MEF2C: variants seen among roughly 807,000 people sequenced by gnomAD.
MEF2C encodes the protein myocyte enhancer factor 2C, also known as myocyte-specific enhancer factor 2C.
A neutral mutation model predicts 50.5 loss-of-function variants in MEF2C; 6 were observed. The ratio of observed to expected loss-of-function variants is 0.12; its 90% CI spans 0.07 to 0.23. The LOEUF is 0.23. Ranked by LOEUF, MEF2C falls within the 10% of genes least tolerant of loss-of-function variation. The pLI is 1.00. For synonymous variants in MEF2C, 183 were observed against 228.0 expected, an observed-to-expected ratio of 0.80 and a Z score of 1.78; for missense variants, 276 against 605.0, an observed-to-expected ratio of 0.46 and a Z score of 5.70.
chr5:88,757,848 G>A (rs531844008), intron 4 of MEF2C, among the ~76,000 whole-genome samples: 21 of 152,234 alleles, frequency 1.4e-4, no homozygotes, highest in East Asian at 1.4e-3. Flanking sequence ...CATGGGAGGC[G>A]GAGGTTGAGG....
At position 88,833,872 on chromosome 5, in the gene MEF2C, T is replaced by C. The variant is rs980388552; in HGVS notation, c.-142-9942A>G. ...TGGGTACTGTGGCACTATTTACTATTCCTTACTTAGTTCTATAAATAGTTG... is the reference window on the plus strand; with the variant it reads ...TGGGTACTGTGGCACTATTTACTATCCCTTACTTAGTTCTATAAATAGTTG... On this transcript the variant is annotated intron_variant, in intron 1 of 10. Coordinates refer to ENST00000504921, the MANE Select transcript of MEF2C (RefSeq NM_002397.5). 4.1e-4 allele frequency among the ~76,000 whole-genome samples: 63 copies of C among 152,276 alleles called. 1 individual carries two copies. Among genetic ancestry groups the C allele is most frequent in the African/African-American group, 1.5e-3 (63 of 41,560 alleles).
intron 3 of MEF2C, among the ~76,000 whole-genome samples, chr5:88,786,651 CAG>C (rs1171944893): frequency 1.3e-5 from 2 of 152,056 alleles, no homozygotes; most frequent in Admixed American, 6.5e-5. Context: ...CCAGTGCTAA[CAG>C]AAAACAAAAA....
intron 4 of MEF2C, among the ~76,000 whole-genome samples, chr5:88,756,150 T>G (rs1775183125): frequency 6.6e-6 from 1 of 152,228 alleles, no homozygotes; most frequent in African/African-American, 2.4e-5. Flanking sequence ...GAACTACCTA[T>G]AATAATTTTT....
intron 2 of MEF2C, 61 bp downstream of exon 2, chr5:88,823,674 A>C: frequency 6.9e-7 from 1 of 1,449,906 alleles, no homozygotes; most frequent in Admixed American, 1.8e-5. Context: ...CTGTACCCTT[A>C]ACATATGTGG....
At chr5:88,809,237 G>A (rs188500023) in intron 2 of MEF2C, among the ~76,000 whole-genome samples, 3 of 151,934 alleles carry the variant, frequency 2.0e-5, no homozygotes, top group Admixed American at 6.6e-5. Context: ...AGGTGCGAAG[G>A]AAAAACAGAA....
intron 2 of MEF2C, among the ~76,000 whole-genome samples, chr5:88,811,770 T>G (rs1024602533): frequency 2.0e-5 from 3 of 152,084 alleles, no homozygotes; most frequent in African/African-American, 7.2e-5. Context: ...TTATCCAGAT[T>G]GATAAAACAG....
intron 4 of MEF2C, among the ~76,000 whole-genome samples, chr5:88,760,313 G>T (rs1195146721): frequency 6.6e-6 from 1 of 152,094 alleles, no homozygotes; most frequent in Non-Finnish European, 1.5e-5. Flanking sequence ...TTTTCATTTG[G>T]TTAAAACAAA....
At chr5:88,810,035 C>A (rs2153109667) in intron 2 of MEF2C, among the ~76,000 whole-genome samples, 1 of 152,242 alleles carries the variant, frequency 6.6e-6, no homozygotes, top group Non-Finnish European at 1.5e-5. Flanking sequence ...CAAAGACCAT[C>A]CCTCAGGCCT....
intron 2 of MEF2C, 37 bp from the exon 3 acceptor site, chr5:88,804,838 T>C (rs1199985141): frequency 1.3e-6 from 2 of 1,546,186 alleles, no homozygotes; most frequent in South Asian, 1.1e-5. Flanking sequence ...TTTTAAAAAA[T>C]ATTCATGCAT....
chr5:88,887,342 T>C (rs983298840), upstream of MEF2C: 4 of 152,206 alleles, frequency 2.6e-5, no homozygotes, highest in African/African-American at 9.7e-5. Flanking sequence ...TTAAGCAAAA[T>C]GATATGTCAT....
intron 1 of MEF2C, among the ~76,000 whole-genome samples, chr5:88,878,562 C>T (rs1033218775): frequency 1.6e-4 from 25 of 151,944 alleles, no homozygotes; most frequent in African/African-American, 5.8e-4. Flanking sequence ...TGTTCTAACA[C>T]GACTTCCCTT....
At chr5:88,873,087 C>T (rs1303756951) in intron 1 of MEF2C, among the ~76,000 whole-genome samples, 1 of 151,750 alleles carries the variant, frequency 6.6e-6, no homozygotes, top group Non-Finnish European at 1.5e-5. Flanking sequence ...CGTTGGAGTT[C>T]TGGTCTAACA....
chr5:88,813,566 G>C (rs1311686558), intron 2 of MEF2C, among the ~76,000 whole-genome samples: 1 of 151,902 alleles, frequency 6.6e-6, no homozygotes, highest in Non-Finnish European at 1.5e-5. Flanking sequence ...TGAAAGAAAA[G>C]GACCTTTAGA....
Position 88,729,202 on chromosome 5 carries a change from T to G in MEF2C, c.964+16A>C. 1.2e-6 allele frequency: 2 copies of G among 1,612,760 alleles called. No individual in the cohort carries two copies. The highest frequency in any genetic ancestry group is 1.7e-6 in the Non-Finnish European group (2 of 1,179,064). ...AAGTATTTAGTGTACTAATTGCACA[T>G]GACAAAGCTACTCACCGGTACCATA... On this transcript the variant is annotated intron_variant, in intron 9 of 10. Coordinates refer to ENST00000504921, the MANE Select transcript of MEF2C (RefSeq NM_002397.5).
chr5:88,845,050 A>G (rs1016556302), intron 1 of MEF2C, among the ~76,000 whole-genome samples: 3 of 152,240 alleles, frequency 2.0e-5, no homozygotes, highest in African/African-American at 7.2e-5. Context: ...ATTGATTGTA[A>G]GCAACTTTTT....
intron 6 of MEF2C, chr5:88,733,847 G>GA: frequency 2.0e-6 from 2 of 985,366 alleles, no homozygotes; most frequent in Non-Finnish European, 2.4e-6. Flanking sequence ...ACTCACTTAA[G>GA]AAATGTTGGT....
intron 1 of MEF2C, among the ~76,000 whole-genome samples, chr5:88,874,798 C>G (rs1266972091): frequency 6.6e-6 from 1 of 151,862 alleles, no homozygotes; most frequent in Non-Finnish European, 1.5e-5. Flanking sequence ...AACAACTAAG[C>G]TAACATTTAT....
intron 1 of MEF2C, among the ~76,000 whole-genome samples, chr5:88,859,107 TCTTA>T (rs1420473284): frequency 1.3e-5 from 2 of 152,364 alleles, no homozygotes; most frequent in Middle Eastern, 3.4e-3. Context: ...CCATATGGCT[TCTTA>T]CTATTTTTAA....
In MEF2C at chr5:88,872,633, T is replaced by G. The variant is rs372548810; in HGVS notation, c.-143+10322A>C. ...ATATAGTACAATGCTATGATAATAA[T>G]TTAATATTTACTGATCATTTACTAT... On this transcript the variant is annotated intron_variant, in intron 1 of 10. Coordinates refer to ENST00000504921, the MANE Select transcript of MEF2C (RefSeq NM_002397.5). Among the ~76,000 whole-genome samples the G allele has an allele frequency of 7.2e-5, 11 of 152,144 alleles. No homozygotes were observed. The East Asian group carries it at 2.1e-3, about 29-fold the overall frequency.
Sources: gnomAD v4.1 joint callset for allele counts (sites outside exome capture counted in the v4.1 genomes callset) on GRCh38, gnomAD v4.1.1 for gene constraint, MANE v1.5 for transcripts, NCBI Gene and HGNC (gene_info 2026-07-23, HGNC 2026-07-21) for gene names.